PALLD: variants seen among roughly 807,000 people sequenced by gnomAD.
The protein encoded by PALLD is palladin, cytoskeletal associated protein.
A neutral mutation model predicts 123.5 loss-of-function variants in PALLD; 61 were observed. The observed-to-expected ratio is 0.49, with a 90% CI of 0.40 to 0.61. The LOEUF (loss-of-function observed/expected upper bound fraction) is 0.61, where lower values mean the gene tolerates loss of function less well. PALLD is among the 20% of genes least tolerant of loss of function. The pLI is 0.00. For missense variants in PALLD, 1,273 were observed against 1,377.0 expected (o/e 0.92, Z 1.20); for synonymous variants, 465 against 496.4 (o/e 0.94, Z 0.84).
intron 10 of PALLD, among the ~76,000 whole-genome samples, chr4:168,825,060 C>T (rs1743239621): frequency 6.6e-6 from 1 of 150,908 alleles, no homozygotes; most frequent in Non-Finnish European, 1.5e-5. Context: ...AAGTGATCCT[C>T]CCACCTTGGC....
chr4:168,753,732 G>A (rs765054178), intron 10 of PALLD, among the ~76,000 whole-genome samples: 13 of 152,232 alleles, frequency 8.5e-5, no homozygotes, highest in East Asian at 1.9e-4. Context: ...TCCCAGTGAC[G>A]ACCAGCACCA....
chr4:168,765,252 T>C (rs925315636), intron 10 of PALLD, among the ~76,000 whole-genome samples: 1 of 152,050 alleles, frequency 6.6e-6, no homozygotes, highest in East Asian at 1.9e-4. Flanking sequence ...ATGGAAGCGA[T>C]GATGCTGAAG....
At chr4:168,591,479 A>G (rs909371111) in intron 2 of PALLD, among the ~76,000 whole-genome samples, 3 of 152,192 alleles carry the variant, frequency 2.0e-5, no homozygotes, top group African/African-American at 7.2e-5. Flanking sequence ...GTGGGCATTA[A>G]AGACGTAAGT....
intron 10 of PALLD, among the ~76,000 whole-genome samples, chr4:168,756,820 T>C (rs1451484989): frequency 6.6e-6 from 1 of 152,198 alleles, no homozygotes; most frequent in African/African-American, 2.4e-5. Flanking sequence ...TTTAAGGCCA[T>C]GAGACTATTT....
intron 10 of PALLD, among the ~76,000 whole-genome samples, chr4:168,848,750 A>G (rs998425699): frequency 2.6e-5 from 4 of 152,192 alleles, no homozygotes; most frequent in African/African-American, 9.6e-5. Flanking sequence ...ATGATCCTAA[A>G]TCAGTCTTTT....
intron 10 of PALLD, among the ~76,000 whole-genome samples, chr4:168,854,580 G>C (rs942249449): frequency 8.5e-5 from 13 of 152,180 alleles, no homozygotes; most frequent in African/African-American, 3.1e-4. Context: ...AAGAGCAAGG[G>C]TTCCAGGTGC....
At chr4:168,689,062 A>C (rs1379163066) in intron 6 of PALLD, among the ~76,000 whole-genome samples, 1 of 152,256 alleles carries the variant, frequency 6.6e-6, no homozygotes, top group African/African-American at 2.4e-5. Context: ...GGAAGAAGAA[A>C]GAACGCAATC....
intron 2 of PALLD, among the ~76,000 whole-genome samples, chr4:168,576,585 A>G (rs1251761107): frequency 3.3e-5 from 5 of 152,164 alleles, no homozygotes; most frequent in Admixed American, 6.5e-5. Context: ...TTATGGCTGC[A>G]TAGTATTCCA....
At chr4:168,717,822 T>G (rs56923347) in intron 10 of PALLD, among the ~76,000 whole-genome samples, 1,920 of 152,364 alleles carry the variant, frequency 0.013, 39 homozygotes, top group African/African-American at 0.044. Flanking sequence ...TAGAAAAGTT[T>G]GTCCAAGTTA....
chr4:168,536,545 T>A (rs190826325), intron 2 of PALLD: 21 of 152,308 alleles, frequency 1.4e-4, no homozygotes, highest in African/African-American at 4.8e-4. Context: ...TCAGGAAACT[T>A]ACAATTATGG....
chr4:168,761,524 A>G (rs1732822661), intron 10 of PALLD, among the ~76,000 whole-genome samples: 1 of 152,014 alleles, frequency 6.6e-6, no homozygotes, highest in Admixed American at 6.6e-5. Context: ...GCCATGGTGC[A>G]GTCTCAGCTC....
chr4:168,804,098 A>AAGTACTGCCCTTGAG (rs1201517727), intron 10 of PALLD, among the ~76,000 whole-genome samples: 2 of 152,224 alleles, frequency 1.3e-5, no homozygotes, highest in Non-Finnish European at 2.9e-5. Flanking sequence ...TTAATGACAT[A>AAGTACTGCCCTTGAG]AGTACTGCCC....
At chr4:168,566,393 G>T (rs942287132) in intron 2 of PALLD, among the ~76,000 whole-genome samples, 10 of 152,064 alleles carry the variant, frequency 6.6e-5, no homozygotes, top group African/African-American at 1.9e-4. Context: ...GATCTCCCAG[G>T]GTCAATCAAT....
intron 2 of PALLD, among the ~76,000 whole-genome samples, chr4:168,615,140 T>G (rs999996533): frequency 2.0e-5 from 3 of 147,528 alleles, no homozygotes; most frequent in Non-Finnish European, 4.5e-5. Context: ...TTTGCCCTCG[T>G]TCCTGGGAAA....
In PALLD at chr4:168,693,171, G is replaced by A. The variant is rs1471303041; in HGVS notation, c.1501+1879G>A. ...GTTTCACATCTACCCTGCGCCCTGC[G>A]TCTTCATCACTTATCCTACATACAC... On this transcript the variant is annotated intron_variant, in intron 8 of 21. Transcript: ENST00000505667. Among the ~76,000 whole-genome samples, 9 of 146,016 alleles carry A rather than the reference G, an allele frequency of 6.2e-5. 1 individual carries two copies. Among genetic ancestry groups the A allele is most frequent in the African/African-American group, 1.8e-4 (7 of 38,416 alleles).
intron 2 of PALLD, among the ~76,000 whole-genome samples, chr4:168,541,728 C>T (rs1295409757): frequency 3.9e-5 from 6 of 152,202 alleles, no homozygotes; most frequent in Non-Finnish European, 8.8e-5. Flanking sequence ...GCTGGAATTA[C>T]AAGCATGAGT....
chr4:168,524,566 A>T (rs1209932798), intron 2 of PALLD, among the ~76,000 whole-genome samples: 2 of 152,296 alleles, frequency 1.3e-5, no homozygotes, highest in East Asian at 3.9e-4. Context: ...TAGAAAATGA[A>T]GTATCCCTCC....
At chr4:168,730,053 C>T (rs904649174) in intron 10 of PALLD, among the ~76,000 whole-genome samples, 32 of 152,038 alleles carry the variant, frequency 2.1e-4, no homozygotes, top group African/African-American at 7.7e-4. Context: ...AATAGTGGGC[C>T]CTTTCAATCT....
At chr4:168,548,367 C>T (rs1766384607) in intron 2 of PALLD, among the ~76,000 whole-genome samples, 1 of 148,094 alleles carries the variant, frequency 6.8e-6, no homozygotes, top group South Asian at 2.1e-4. Flanking sequence ...AACAGGGAAA[C>T]ACTAATACTC....
Sources: gnomAD v4.1 joint callset for allele counts (sites outside exome capture counted in the v4.1 genomes callset) on GRCh38, gnomAD v4.1.1 for gene constraint, MANE v1.5 for transcripts, NCBI Gene and HGNC (gene_info 2026-07-23, HGNC 2026-07-21) for gene names.